The following CYRIA variants were observed in gnomAD, a reference collection of about 807,000 sequenced individuals.
CYRIA encodes CYFIP-related Rac1 interactor A.
In CYRIA, 15 loss-of-function variants were observed where a neutral mutation model predicts 43.9. The observed-to-expected ratio is 0.34, with a 90% CI of 0.23 to 0.53. The LOEUF is 0.53. CYRIA is among the 20% of genes least tolerant of loss of function. The pLI is 0.94. For missense variants in CYRIA, 236 were observed against 394.2 expected, an observed-to-expected ratio of 0.60 and a Z score of 3.40; for synonymous variants, 117 against 136.0, an observed-to-expected ratio of 0.86 and a Z score of 0.97.
chr2:16,558,209 A>C (rs561369860), intron 10 of CYRIA, among the ~76,000 whole-genome samples: 2 of 152,230 alleles, frequency 1.3e-5, no homozygotes, highest in South Asian at 4.1e-4. Flanking sequence ...TAAGTGTCAA[A>C]ATTTTTTTCA....
intron 3 of CYRIA, among the ~76,000 whole-genome samples, chr2:16,578,874 G>A (rs181872296): frequency 3.3e-5 from 5 of 152,174 alleles, no homozygotes; most frequent in African/African-American, 1.2e-4. Context: ...AAGCAAGAAT[G>A]TTCAAAATTA....
chr2:16,593,334 G>A (rs1482653651), intron 2 of CYRIA, among the ~76,000 whole-genome samples: 3 of 152,052 alleles, frequency 2.0e-5, no homozygotes, highest in Non-Finnish European at 4.4e-5. Context: ...ATTAATAGCT[G>A]AAAGAGACTT....
In CYRIA at chr2:16,561,442, A is replaced by T. The variant is rs779623810; in HGVS notation, c.513+14T>A. On this transcript the variant is annotated intron_variant, in intron 7 of 11. Transcript: ENST00000381323. ...GGAGAAGGGTGCAAAGGTCAAGGCG[A>T]CCCAGGGACTCACGTGCATGTTGTT... 6.2e-7 allele frequency: 1 copy of T among 1,612,916 alleles called. No individual in the cohort carries two copies.
chr2:16,628,469 G>C lies in CYRIA; in HGVS notation c.-166-4450C>G, dbSNP rs188013636. The stretch of plus-strand genomic sequence containing the variant: ...TGTGCTAACCCACAGCCAGCTTCTG[G>C]GCTGTCAGAGCACATGGGCACAGGC... On this transcript the variant is annotated intron_variant, in intron 1 of 11. Transcript: ENST00000381323. Among the ~76,000 whole-genome samples, 208 of 152,256 alleles carry C rather than the reference G, an allele frequency of 1.4e-3. 1 individual carries two copies. The highest frequency in any genetic ancestry group is 4.8e-3 in the African/African-American group (198 of 41,548).
At chr2:16,610,993 G>A (rs1384107485) in intron 2 of CYRIA, among the ~76,000 whole-genome samples, 1 of 142,868 alleles carries the variant, frequency 7.0e-6, no homozygotes, top group East Asian at 2.3e-4. Context: ...CCTATCTGTT[G>A]AACTTCTTGA....
At chr2:16,607,579 C>T (rs1668451738) in intron 2 of CYRIA, among the ~76,000 whole-genome samples, 2 of 152,132 alleles carry the variant, frequency 1.3e-5, no homozygotes, top group Non-Finnish European at 2.9e-5. Context: ...GGGCTCCTGC[C>T]TCCTTGCTTC....
rs142207073 is a variant in CYRIA, at chr2:16,602,873, G to A, written c.-10-14744C>T. Among the ~76,000 whole-genome samples, 44 of 152,150 alleles carry A rather than the reference G, an allele frequency of 2.9e-4. No homozygotes were observed. In the East Asian group the frequency reaches 6.0e-3, roughly 21 times the overall value. ...TTTGCTCCCTAATAAGGACACCCTCGCTGGTGGTCCAGAATAATTTTTTTT... is the reference window on the plus strand; with the variant it reads ...TTTGCTCCCTAATAAGGACACCCTCACTGGTGGTCCAGAATAATTTTTTTT... On this transcript the variant is annotated intron_variant, in intron 2 of 11. Coordinates refer to ENST00000381323, the MANE Select transcript of CYRIA (RefSeq NM_030797.4).
intron 3 of CYRIA, among the ~76,000 whole-genome samples, chr2:16,580,923 T>C (rs78906228): frequency 0.012 from 1,825 of 152,224 alleles, 39 homozygotes; most frequent in African/African-American, 0.039. Context: ...ATAAACCTAA[T>C]ACCTTTCTCA....
At chr2:16,633,965 G>C (rs1669414346) in intron 1 of CYRIA, among the ~76,000 whole-genome samples, 1 of 152,084 alleles carries the variant, frequency 6.6e-6, no homozygotes, top group African/African-American at 2.4e-5. Flanking sequence ...GGAGAACCTG[G>C]ATCGCTGAAT....
intron 2 of CYRIA, among the ~76,000 whole-genome samples, chr2:16,600,966 A>G (rs896582620): frequency 2.0e-5 from 3 of 152,204 alleles, no homozygotes; most frequent in Admixed American, 1.3e-4. Context: ...TGCACAGTAG[A>G]AGTCCTGGGG....
intron 3 of CYRIA, among the ~76,000 whole-genome samples, chr2:16,568,782 G>A (rs1667033408): frequency 6.6e-6 from 1 of 152,144 alleles, no homozygotes; most frequent in Non-Finnish European, 1.5e-5. Context: ...AAATAGTATG[G>A]GAAAGAAGAA....
intron 1 of CYRIA, among the ~76,000 whole-genome samples, chr2:16,652,585 A>T (rs1670004839): frequency 6.6e-6 from 1 of 152,182 alleles, no homozygotes; most frequent in African/African-American, 2.4e-5. Flanking sequence ...CCAGAGATGA[A>T]GTCTTCCGGG....
intron 1 of CYRIA, among the ~76,000 whole-genome samples, chr2:16,624,777 C>G (rs1669105906): frequency 1.3e-5 from 2 of 152,186 alleles, no homozygotes; most frequent in South Asian, 4.1e-4. Context: ...GGGGAGCTTT[C>G]ACTTATTAAG....
intron 3 of CYRIA, among the ~76,000 whole-genome samples, chr2:16,570,101 G>C (rs986535696): frequency 6.6e-6 from 1 of 152,052 alleles, no homozygotes; most frequent in Non-Finnish European, 1.5e-5. Context: ...AAGCAGTGTA[G>C]TAAGTAAAGG....
intron 2 of CYRIA, among the ~76,000 whole-genome samples, chr2:16,607,317 C>T (rs974529429): frequency 1.4e-4 from 1 of 7,182 alleles, no homozygotes; most frequent in Non-Finnish European, 2.5e-4. Context: ...CAGGGAGGGG[C>T]GGGTGGGGGG....
intron 3 of CYRIA, among the ~76,000 whole-genome samples, chr2:16,584,580 T>C (rs1667659843): frequency 1.3e-5 from 2 of 152,306 alleles, no homozygotes; most frequent in South Asian, 4.1e-4. Flanking sequence ...TAAGCCCCAG[T>C]GCTGGACATC....
intron 2 of CYRIA, among the ~76,000 whole-genome samples, chr2:16,600,197 C>G (rs1668156077): frequency 6.6e-6 from 1 of 152,188 alleles, no homozygotes; most frequent in South Asian, 2.1e-4. Flanking sequence ...AATGAAATGC[C>G]AAAGCATAAA....
chr2:16,576,940 A>C (rs1308562528), intron 3 of CYRIA, among the ~76,000 whole-genome samples: 1 of 152,212 alleles, frequency 6.6e-6, no homozygotes, highest in Non-Finnish European at 1.5e-5. Flanking sequence ...GCATGATTCC[A>C]CTTACATGAG....
chr2:16,574,556 G>C (rs1290426508), intron 3 of CYRIA, among the ~76,000 whole-genome samples: 3 of 152,204 alleles, frequency 2.0e-5, no homozygotes, highest in Admixed American at 6.5e-5. Flanking sequence ...TTGCGGGCCA[G>C]GCCCATGGTC....
Sources: gnomAD v4.1 joint callset for allele counts (sites outside exome capture counted in the v4.1 genomes callset) on GRCh38, gnomAD v4.1.1 for gene constraint, MANE v1.5 for transcripts, NCBI Gene and HGNC (gene_info 2026-07-23, HGNC 2026-07-21) for gene names.